The following LDLRAD4 variants were observed in gnomAD, a reference collection of about 807,000 sequenced individuals.
The protein encoded by LDLRAD4 is low-density lipoprotein receptor class A domain-containing protein 4.
LDLRAD4 carries 5 observed loss-of-function variants against 17.0 expected under a neutral mutation model. That is an observed-to-expected ratio of 0.29 (90% CI 0.15 to 0.62). The LOEUF (loss-of-function observed/expected upper bound fraction) is 0.62, where lower values mean the gene tolerates loss of function less well. Ranked by LOEUF, LDLRAD4 falls within the 20% of genes least tolerant of loss-of-function variation. The pLI is 0.84. For synonymous variants in LDLRAD4, 168 were observed against 171.8 expected, an observed-to-expected ratio of 0.98 and a Z score of 0.17; for missense variants, 340 against 424.7, an observed-to-expected ratio of 0.80 and a Z score of 1.75.
chr18:13,627,636 C>T (rs1019160730), intron 4 of LDLRAD4, among the ~76,000 whole-genome samples: 6 of 152,364 alleles, frequency 3.9e-5, no homozygotes, highest in Non-Finnish European at 7.3e-5. Context: ...AGTTGAGACA[C>T]GTGTCTGGGT....
At chr18:13,421,115 C>T (rs529241106) in intron 2 of LDLRAD4, 10 of 152,410 alleles carry the variant, frequency 6.6e-5, no homozygotes, top group South Asian at 2.1e-4. Flanking sequence ...GCAGTCTCTG[C>T]GAGGGAGAGC....
intron 1 of LDLRAD4, among the ~76,000 whole-genome samples, chr18:13,320,884 C>T (rs1269980961): frequency 2.0e-5 from 3 of 152,190 alleles, no homozygotes; most frequent in African/African-American, 7.2e-5. Flanking sequence ...TTGTCATTCC[C>T]TCCCAGTGGG....
rs899013298 is a variant in LDLRAD4 at position 13,483,804 on chromosome 18, A to G, written c.181+45420A>G. Among the ~76,000 whole-genome samples, 16 of 152,240 alleles carry G rather than the reference A, an allele frequency of 1.1e-4. No individual in the cohort carries two copies. The East Asian group carries it at 2.1e-3, about 20-fold the overall frequency. ...GAAGGTGTTGTGGGCAGGTCTTCCCAGGTCTTACCCAGCAGTACTCACTAG... is the reference window on the plus strand; with the variant it reads ...GAAGGTGTTGTGGGCAGGTCTTCCCGGGTCTTACCCAGCAGTACTCACTAG... On this transcript the variant is annotated intron_variant, in intron 3 of 5. Transcript: ENST00000359446.
chr18:13,447,269 T>C (rs1297045929), intron 3 of LDLRAD4, among the ~76,000 whole-genome samples: 1 of 152,204 alleles, frequency 6.6e-6, no homozygotes, highest in Non-Finnish European at 1.5e-5. Context: ...TTGCAGGGGC[T>C]GTCACTGGCA....
At position 13,300,463 on chromosome 18, in the gene LDLRAD4, A is replaced by G. The variant is rs926032895; in HGVS notation, c.-383+22275A>G. Reference sequence around the variant, plus strand: ...CGGGGTCAGCCATGACTGCTGCCCCAAGGGAGGCCTGCAATAAGGCACCCG... The same window carrying G: ...CGGGGTCAGCCATGACTGCTGCCCCGAGGGAGGCCTGCAATAAGGCACCCG... On this transcript the variant is annotated intron_variant, in intron 1 of 5. Coordinates refer to ENST00000359446, the Ensembl canonical transcript of LDLRAD4. This position sits in a 1 kb window ranked among gnomAD's most constrained non-coding sequence, Gnocchi z 4.2. Among the ~76,000 whole-genome samples the G allele has an allele frequency of 5.3e-5, 8 of 152,136 alleles. No homozygotes were observed. Among genetic ancestry groups the G allele is most frequent in the Non-Finnish European group, 8.8e-5 (6 of 68,010 alleles).
rs202235063 is a variant in LDLRAD4 at position 13,294,839 on chromosome 18, A to AT, written c.-383+16651_-383+16652insT. On this transcript the variant is annotated intron_variant, in intron 1 of 5. Transcript: ENST00000359446. ...TAAAATAGTAAAAAAAAAAAAAAAA[A>AT]GTTGTCTTTTTAGCTTGTTTTTTAT... is the stretch of plus-strand genomic sequence containing the variant. 1.8e-3 allele frequency among the ~76,000 whole-genome samples: 273 copies of AT among 151,236 alleles called. 1 individual carries two copies. Among genetic ancestry groups the AT allele is most frequent in the East Asian group, 8.7e-3 (45 of 5,174 alleles).
intron 1 of LDLRAD4, among the ~76,000 whole-genome samples, chr18:13,221,940 G>A (rs774333855): frequency 2.0e-5 from 3 of 152,118 alleles, no homozygotes; most frequent in Non-Finnish European, 2.9e-5. Flanking sequence ...GACTTTTCTA[G>A]AATAAAAACT....
intron 3 of LDLRAD4, among the ~76,000 whole-genome samples, chr18:13,449,108 T>G (rs999833548): frequency 2.6e-5 from 4 of 152,252 alleles, no homozygotes; most frequent in African/African-American, 7.2e-5. Flanking sequence ...AAAAAATATT[T>G]TCAAAGTAGA....
At chr18:13,259,697 C>G (rs2043704458) in intron 1 of LDLRAD4, among the ~76,000 whole-genome samples, 1 of 152,056 alleles carries the variant, frequency 6.6e-6, no homozygotes, top group Non-Finnish European at 1.5e-5. Flanking sequence ...CCCTCCCTCC[C>G]TCCCTCCCTC....
intron 3 of LDLRAD4, among the ~76,000 whole-genome samples, chr18:13,444,918 T>G (rs1171813314): frequency 6.6e-6 from 1 of 152,186 alleles, no homozygotes; most frequent in African/African-American, 2.4e-5. Flanking sequence ...GCAGCCTGCA[T>G]GAGAAGACAA....
chr18:13,455,239 T>TC (rs1194697102), intron 3 of LDLRAD4, among the ~76,000 whole-genome samples: 1 of 151,810 alleles, frequency 6.6e-6, no homozygotes, highest in East Asian at 1.9e-4. Flanking sequence ...TCCAGGCTTT[T>TC]TGGGGGCTTA....
At chr18:13,484,097 G>A (rs1232615167) in intron 3 of LDLRAD4, 1 of 152,222 alleles carries the variant, frequency 6.6e-6, no homozygotes, top group Non-Finnish European at 1.5e-5. Context: ...CCCAGGGGCC[G>A]AAGCCCACCC....
chr18:13,549,954 A>AT (rs1414774797), intron 3 of LDLRAD4, among the ~76,000 whole-genome samples: 4 of 152,202 alleles, frequency 2.6e-5, no homozygotes, highest in Admixed American at 2.6e-4. Flanking sequence ...TTTCTTCTGT[A>AT]TAATGGAGAT....
At chr18:13,475,512 A>G (rs1438369346) in intron 3 of LDLRAD4, among the ~76,000 whole-genome samples, 1 of 146,350 alleles carries the variant, frequency 6.8e-6, no homozygotes, top group Non-Finnish European at 1.5e-5. Context: ...TCAGCCTCCT[A>G]AAGTGCTGGG....
chr18:13,405,540 C>T (rs2087651954), intron 2 of LDLRAD4, among the ~76,000 whole-genome samples: 2 of 152,072 alleles, frequency 1.3e-5, no homozygotes. Context: ...CTCCTGTCCT[C>T]CTGCTTCAGC....
At chr18:13,562,047 C>T (rs2094547012) in intron 3 of LDLRAD4, 1 of 152,234 alleles carries the variant, frequency 6.6e-6, no homozygotes, top group South Asian at 2.1e-4. Context: ...TCCTCTCTGG[C>T]ATGGTAGAGT....
At position 13,527,010 on chromosome 18, in the gene LDLRAD4, T is replaced by C. The variant is rs763673023; in HGVS notation, c.181+88626T>C. 5.3e-5 allele frequency among the ~76,000 whole-genome samples: 8 copies of C among 152,232 alleles called. No individual in the cohort carries two copies. In the South Asian group the frequency reaches 8.3e-4, roughly 16 times the overall value. On this transcript the variant is annotated intron_variant, in intron 3 of 5. Coordinates refer to ENST00000359446, the Ensembl canonical transcript of LDLRAD4. ...GTGTATAGAATGCATGGGACTGTTATGTTTGTGCTGCAGGATGAAAAGCAC... is the reference window on the plus strand; with the variant it reads ...GTGTATAGAATGCATGGGACTGTTACGTTTGTGCTGCAGGATGAAAAGCAC...
intron 2 of LDLRAD4, among the ~76,000 whole-genome samples, chr18:13,389,863 A>AC (rs1205149729): frequency 6.6e-6 from 1 of 152,152 alleles, no homozygotes; most frequent in Admixed American, 6.5e-5. Context: ...TGCAGATAGG[A>AC]CAGTACCTCT....
intron 3 of LDLRAD4, 178 bp from the exon 5 acceptor site, chr18:13,620,939 G>A: frequency 2.3e-6 from 2 of 859,888 alleles, no homozygotes; most frequent in Non-Finnish European, 3.7e-6. Context: ...CCTCCCGACT[G>A]TGCCGTGGTG....
Sources: gnomAD v4.1 joint callset for allele counts (sites outside exome capture counted in the v4.1 genomes callset) on GRCh38, gnomAD v4.1.1 for gene constraint, Gnocchi (gnomAD v3.1) non-coding constraint, MANE v1.5 for transcripts, NCBI Gene and HGNC (gene_info 2026-07-23, HGNC 2026-07-21) for gene names.